The following ZNF277 variants were observed in gnomAD, a reference collection of about 807,000 sequenced individuals.
ZNF277 encodes zinc finger protein 277.
A neutral mutation model predicts 60.7 loss-of-function variants in ZNF277; 55 were observed. The ratio of observed to expected loss-of-function variants is 0.91; its 90% CI spans 0.73 to 1.13. ZNF277 has a LOEUF of 1.13. Among genes scored for constraint, ZNF277 ranks in the 50% most tolerant of loss-of-function variants. ZNF277 has a pLI of 0.00. For missense variants in ZNF277, 510 were observed against 523.0 expected (o/e 0.98, Z 0.24); for synonymous variants, 178 against 179.3 (o/e 0.99, Z 0.06).
intron 1 of ZNF277, among the ~76,000 whole-genome samples, chr7:112,250,202 AAT>A (rs1176453402): frequency 2.0e-5 from 3 of 152,130 alleles, no homozygotes; most frequent in South Asian, 2.1e-4. Context: ...GCAGAGATGA[AAT>A]AGACTCCAGT....
At chr7:112,298,235 A>G (rs796685584) in intron 4 of ZNF277, among the ~76,000 whole-genome samples, 24 of 152,332 alleles carry the variant, frequency 1.6e-4, no homozygotes, top group African/African-American at 5.5e-4. Context: ...GCTTATGAAG[A>G]TTAAGTGACA....
At chr7:112,245,317 A>G (rs187401147) in intron 1 of ZNF277, among the ~76,000 whole-genome samples, 1 of 152,302 alleles carries the variant, frequency 6.6e-6, no homozygotes, top group African/African-American at 2.4e-5. Flanking sequence ...GGTAAAGGTG[A>G]CAGAGAATGC....
chr7:112,292,569 C>A (rs10953709), intron 2 of ZNF277, among the ~76,000 whole-genome samples: 20,791 of 152,136 alleles, frequency 0.14, 1,498 homozygotes, highest in South Asian at 0.16. Flanking sequence ...ATTATAGGGG[C>A]TCTTTCCTGT....
intron 1 of ZNF277, among the ~76,000 whole-genome samples, chr7:112,208,546 T>G (rs1050160879): frequency 2.6e-5 from 4 of 151,504 alleles, no homozygotes; most frequent in African/African-American, 4.8e-5. Context: ...TCCCCGAGTA[T>G]TAAGTGATAA....
chr7:112,227,069 T>A (rs1822194619), intron 1 of ZNF277, among the ~76,000 whole-genome samples: 1 of 152,182 alleles, frequency 6.6e-6, no homozygotes, highest in African/African-American at 2.4e-5. Context: ...TACTTTTTGC[T>A]GAAATTACAT....
Position 112,342,676 on chromosome 7 carries a change from T to A in ZNF277, c.1300T>A (p.Ser434Thr). ...ENVPIISEDT[S>T]KLYALKQSSI... ...TGTTCCCATCATCAGTGAAGATACA[T>A]CTAAACTGTATGCTTTGAAACAAAG... The change falls in exon 12 of 12, where the codon TCT becomes ACT. Residue 434 changes from serine (S) to threonine (T), a missense_variant. Coordinates refer to ENST00000361822, the MANE Select transcript of ZNF277 (RefSeq NM_021994.3). The A allele has an allele frequency of 6.2e-7, 1 of 1,611,626 alleles. No homozygotes were observed. The highest frequency in any genetic ancestry group is 8.5e-7 in the Non-Finnish European group (1 of 1,179,528).
chr7:112,231,613 CT>C (rs112087784), intron 1 of ZNF277, among the ~76,000 whole-genome samples: 105 of 144,122 alleles, frequency 7.3e-4, no homozygotes, highest in Admixed American at 6.2e-4. Flanking sequence ...CCCATCCTCC[CT>C]TTTTTTTTTT....
At chr7:112,321,308 T>A (rs1792977214) in intron 5 of ZNF277, among the ~76,000 whole-genome samples, 1 of 152,112 alleles carries the variant, frequency 6.6e-6, no homozygotes, top group South Asian at 2.1e-4. Flanking sequence ...GAAAACAATC[T>A]GTTTCAGGTT....
At position 112,243,546 on chromosome 7, in the gene ZNF277, A is replaced by G. The variant is rs904588300; in HGVS notation, c.91+36739A>G. On this transcript the variant is annotated intron_variant, in intron 1 of 11. Transcript: ENST00000361822. ...GGACATAGACATTTTTCAAAAGAAG[A>G]CATACAAATGGCCAAAAAGCATATG... is the stretch of plus-strand genomic sequence containing the variant. Among the ~76,000 whole-genome samples the G allele has an allele frequency of 2.0e-5, 3 of 151,868 alleles. No homozygotes were observed. In the South Asian group the frequency reaches 6.2e-4, roughly 31 times the overall value.
intron 4 of ZNF277, among the ~76,000 whole-genome samples, chr7:112,317,836 C>G (rs891462133): frequency 1.3e-5 from 2 of 152,004 alleles, no homozygotes; most frequent in Non-Finnish European, 2.9e-5. Flanking sequence ...GATTACAAAT[C>G]AAACTGAGAA....
rs774802242 is a variant in ZNF277, at chr7:112,342,679, A to C, written c.1303A>C (p.Lys435Gln). The C allele has an allele frequency of 3.7e-6, 6 of 1,611,114 alleles. No homozygotes were observed. The highest frequency in any genetic ancestry group is 1.1e-5 in the South Asian group (1 of 90,844). ...TCCCATCATCAGTGAAGATACATCTAAACTGTATGCTTTGAAACAAAGCAG... is the reference window on the plus strand; with the variant it reads ...TCCCATCATCAGTGAAGATACATCTCAACTGTATGCTTTGAAACAAAGCAG... The part of the protein sequence containing the change: ...NVPIISEDTS[K>Q]LYALKQSSIL... The change falls in exon 12 of 12, where the codon AAA becomes CAA. Residue 435 changes from lysine (K) to glutamine (Q), a missense_variant. Lys to Gln is a moderately conservative substitution (Grantham distance 53). Transcript: ENST00000361822.
chr7:112,333,450 A>G (rs1398304985), intron 7 of ZNF277, among the ~76,000 whole-genome samples: 1 of 152,192 alleles, frequency 6.6e-6, no homozygotes, highest in Non-Finnish European at 1.5e-5. Context: ...GTAATGGTAT[A>G]TGGAAAGTCA....
chr7:112,279,242 T>C (rs894275681), intron 1 of ZNF277, among the ~76,000 whole-genome samples: 1 of 152,210 alleles, frequency 6.6e-6, no homozygotes, highest in Non-Finnish European at 1.5e-5. Flanking sequence ...CATATGATAG[T>C]TCTATTTTTA....
intron 1 of ZNF277, 36 bp from the exon 2 acceptor site, chr7:112,286,837 C>CTT: frequency 9.2e-7 from 1 of 1,085,154 alleles, no homozygotes; most frequent in Non-Finnish European, 1.2e-6. Context: ...GCTTTTCTTT[C>CTT]TTTCTTTTTT....
chr7:112,243,860 C>T (rs527381174), intron 1 of ZNF277, among the ~76,000 whole-genome samples: 3 of 151,996 alleles, frequency 2.0e-5, no homozygotes, highest in Non-Finnish European at 4.4e-5. Context: ...ATATGTTTAT[C>T]GCAATGCTAT....
intron 1 of ZNF277, among the ~76,000 whole-genome samples, chr7:112,223,975 A>G (rs1822103275): frequency 6.6e-6 from 1 of 152,208 alleles, no homozygotes; most frequent in Non-Finnish European, 1.5e-5. Flanking sequence ...CAGGTTGTAT[A>G]TGAAGATTCT....
chr7:112,290,245 T>G (rs1792176383), intron 2 of ZNF277, among the ~76,000 whole-genome samples: 1 of 152,232 alleles, frequency 6.6e-6, no homozygotes. Flanking sequence ...CTTTCTCCTC[T>G]GCCCGTAAAG....
intron 1 of ZNF277, among the ~76,000 whole-genome samples, chr7:112,285,062 G>T (rs547629778): frequency 1.3e-5 from 2 of 152,016 alleles, no homozygotes; most frequent in Non-Finnish European, 2.9e-5. Context: ...ACAGAGTCAC[G>T]CTCTGTCACC....
chr7:112,230,686 T>G (rs1822300129), intron 1 of ZNF277, among the ~76,000 whole-genome samples: 1 of 152,218 alleles, frequency 6.6e-6, no homozygotes, highest in East Asian at 1.9e-4. Flanking sequence ...AGAGTACATT[T>G]TTCAGAGTCA....
Sources: allele counts gnomAD v4.1 joint callset (sites outside exome capture counted in the v4.1 genomes callset), GRCh38; gene constraint gnomAD v4.1.1; transcripts MANE v1.5; gene names NCBI Gene and HGNC (gene_info 2026-07-23, HGNC 2026-07-21).